Variants in DEPDC7 observed in about 807,000 individuals in gnomAD.
DEPDC7 encodes the protein DEP domain-containing protein 7.
A neutral mutation model predicts 56.6 loss-of-function variants in DEPDC7; 41 were observed. The observed-to-expected ratio is 0.72, with a 90% CI of 0.56 to 0.94. The LOEUF is 0.94. Among genes scored for constraint, DEPDC7 ranks in the 40% least tolerant of loss-of-function variants. The pLI, the probability that DEPDC7 is intolerant of heterozygous loss-of-function variation, is 0.00. For synonymous variants in DEPDC7, 185 were observed against 208.8 expected, an observed-to-expected ratio of 0.89 and a Z score of 0.98; for missense variants, 522 against 596.3, an observed-to-expected ratio of 0.88 and a Z score of 1.30.
chr11:33,024,755 A>G (rs1853559554), intron 1 of DEPDC7, among the ~76,000 whole-genome samples: 1 of 150,800 alleles, frequency 6.6e-6, no homozygotes, highest in African/African-American at 2.4e-5. Flanking sequence ...GACCACTGTT[A>G]TATGTGGTCC....
chr11:33,030,862 G>C (rs1470358980), intron 4 of DEPDC7, among the ~76,000 whole-genome samples: 3 of 152,182 alleles, frequency 2.0e-5, no homozygotes, highest in Non-Finnish European at 2.9e-5. Context: ...GGGATTACAG[G>C]TGTGAGCCAC....
intron 4 of DEPDC7, among the ~76,000 whole-genome samples, chr11:33,029,238 C>T (rs1297929191): frequency 6.6e-6 from 1 of 151,654 alleles, no homozygotes; most frequent in Non-Finnish European, 1.5e-5. Flanking sequence ...TGGCCCATGC[C>T]TGTAATCCTA....
At chr11:33,029,478 T>G (rs1233846714) in intron 4 of DEPDC7, among the ~76,000 whole-genome samples, 7 of 116,168 alleles carry the variant, frequency 6.0e-5, no homozygotes, top group Non-Finnish European at 8.3e-5. Context: ...GGTGACAGAG[T>G]GAGAATGTCT....
In DEPDC7 at chr11:33,015,994, C is replaced by G. The variant is rs772457604; in HGVS notation, c.39C>G (p.Leu13=). The part of the protein sequence containing the change: ...TVQEKAAALN[L]SALHSPAHRP... Reference sequence around the variant, plus strand: ...AGGAGAAGGCTGCTGCGCTGAACCTCTCGGCTCTCCACAGCCCCGCGCACA... The same window carrying G: ...AGGAGAAGGCTGCTGCGCTGAACCTGTCGGCTCTCCACAGCCCCGCGCACA... Residue 13 remains leucine, a synonymous_variant, in exon 1 of 9, where the codon CTC becomes CTG. Transcript: ENST00000241051. 1.3e-6 allele frequency: 2 copies of G among 1,572,408 alleles called. No homozygotes were observed. Among genetic ancestry groups the G allele is most frequent in the South Asian group, 2.4e-5 (2 of 85,082 alleles).
At chr11:33,029,629 T>C (rs11032098) in intron 4 of DEPDC7, among the ~76,000 whole-genome samples, 61,107 of 152,002 alleles carry the variant, frequency 0.4, 12,453 homozygotes, top group East Asian at 0.46. Context: ...ACGAGTTCTG[T>C]ATTACTCATA....
chr11:33,026,565 T>C (rs1228136351), intron 2 of DEPDC7: 3 of 182,736 alleles, frequency 1.6e-5, no homozygotes, highest in African/African-American at 4.7e-5. Context: ...GAAGCTCTTA[T>C]ATCAGATCTG....
At chr11:33,023,235 A>G (rs1853541059) in intron 1 of DEPDC7, among the ~76,000 whole-genome samples, 1 of 152,100 alleles carries the variant, frequency 6.6e-6, no homozygotes, top group East Asian at 1.9e-4. Flanking sequence ...GTCTCAAAAA[A>G]AAAAAAAAAA....
At chr11:33,027,866 T>G in intron 3 of DEPDC7, 53 bp downstream of exon 3, 6 of 1,450,570 alleles carry the variant, frequency 4.1e-6, no homozygotes, top group Non-Finnish European at 5.5e-6. Flanking sequence ...TCAAAGTTAT[T>G]TAAAATTTTT....
chr11:33,017,656 AG>A (rs1853478176), intron 1 of DEPDC7, among the ~76,000 whole-genome samples: 1 of 152,198 alleles, frequency 6.6e-6, no homozygotes, highest in African/African-American at 2.4e-5. Flanking sequence ...TCATAGTTCC[AG>A]TGAGCAAGGT....
chr11:33,027,685 G>A lies in DEPDC7; in HGVS notation c.465-1G>A. 6.6e-7 allele frequency: 1 copy of A among 1,504,130 alleles called. No homozygotes were observed. The highest frequency in any genetic ancestry group is 8.8e-7 in the Non-Finnish European group (1 of 1,132,368). The allele number at this position is 1,504,130 out of a possible 1,614,324, so 93.2% of individuals were successfully genotyped here. A position where few individuals can be genotyped will look rare whatever the true frequency, so the allele number is the denominator to read the frequency against. The stretch of plus-strand genomic sequence containing the variant: ...TCATTTCTGAAATAAATTCATTTTA[G>A]GTATGCAGATGCATTATTTAAGTCA... On this transcript the variant is annotated splice_acceptor_variant, in intron 2 of 8. Coordinates refer to ENST00000241051, the MANE Select transcript of DEPDC7 (RefSeq NM_001077242.2). LOFTEE classifies it high-confidence loss of function.
chr11:33,028,983 A>G (rs1853606103), intron 4 of DEPDC7, among the ~76,000 whole-genome samples, 191 bp downstream of exon 4: 1 of 151,878 alleles, frequency 6.6e-6, no homozygotes, highest in Non-Finnish European at 1.5e-5. Flanking sequence ...TTCATTTTTC[A>G]TATTCATTTT....
chr11:33,018,225 A>T (rs1040246190), intron 1 of DEPDC7, among the ~76,000 whole-genome samples: 10 of 152,072 alleles, frequency 6.6e-5, no homozygotes, highest in Non-Finnish European at 1.0e-4. Context: ...AGTATAGAAA[A>T]TTTTTCCACT....
At chr11:33,026,216 G>T in intron 2 of DEPDC7, 167 bp downstream of exon 2, 1 of 690,008 alleles carries the variant, frequency 1.4e-6, no homozygotes, top group Admixed American at 2.5e-5. Flanking sequence ...AGCTTTATTG[G>T]GTGTCTCCTA....
chr11:33,031,028 G>A (rs78565663), intron 4 of DEPDC7, among the ~76,000 whole-genome samples: 1 of 152,202 alleles, frequency 6.6e-6, no homozygotes, highest in Non-Finnish European at 1.5e-5. Flanking sequence ...ATCTAGTCCT[G>A]CCTGAGGCCT....
At chr11:33,026,263 T>G in intron 2 of DEPDC7, 1 of 574,716 alleles carries the variant, frequency 1.7e-6, no homozygotes, top group Non-Finnish European at 3.1e-6. Context: ...GTCAACACAC[T>G]TTGATTTTCC....
rs1479377927 is a variant in DEPDC7 at position 33,015,933 on chromosome 11, T to C, written c.-23T>C. ...GGGAGCTGTGAAGCTGCTGGAGGAGTTGGCGTCCGGGGAGCAAGGGCCATG... is the reference window on the plus strand; with the variant it reads ...GGGAGCTGTGAAGCTGCTGGAGGAGCTGGCGTCCGGGGAGCAAGGGCCATG... On this transcript the variant is annotated 5_prime_UTR_variant, in exon 1 of 9. Transcript: ENST00000241051. 1.3e-6 allele frequency: 2 copies of C among 1,561,768 alleles called. No homozygotes were observed. Among genetic ancestry groups the C allele is most frequent in the Non-Finnish European group, 8.7e-7 (1 of 1,154,028 alleles).
chr11:33,024,741 A>T (rs931753488), intron 1 of DEPDC7, among the ~76,000 whole-genome samples: 1 of 151,758 alleles, frequency 6.6e-6, no homozygotes, highest in East Asian at 1.9e-4. Context: ...TTATAATTGT[A>T]TAGGACCACT....
chr11:33,024,011 C>G (rs1590207681), intron 1 of DEPDC7, among the ~76,000 whole-genome samples: 1 of 152,064 alleles, frequency 6.6e-6, no homozygotes, highest in East Asian at 1.9e-4. Flanking sequence ...TAAATTAAGA[C>G]TGCTGAATTT....
At chr11:33,022,110 A>T (rs1320467544) in intron 1 of DEPDC7, among the ~76,000 whole-genome samples, 1 of 152,170 alleles carries the variant, frequency 6.6e-6, no homozygotes, top group African/African-American at 2.4e-5. Context: ...AGTCTGTCTC[A>T]TTGGTTCTTA....
Sources: allele counts gnomAD v4.1 joint callset (sites outside exome capture counted in the v4.1 genomes callset), GRCh38; gene constraint gnomAD v4.1.1; transcripts MANE v1.5; gene names NCBI Gene and HGNC (gene_info 2026-07-23, HGNC 2026-07-21).